WASHC2A: variants seen among roughly 807,000 people sequenced by gnomAD.
The protein encoded by WASHC2A is WASH complex subunit FAM21A.
A neutral mutation model predicts 140.3 loss-of-function variants in WASHC2A; 82 were observed. The observed-to-expected ratio is 0.58, with a 90% CI of 0.49 to 0.70. The LOEUF (loss-of-function observed/expected upper bound fraction) is 0.70, where lower values mean the gene tolerates loss of function less well. WASHC2A is among the 30% of genes least tolerant of loss of function. The pLI is 0.00. For missense variants in WASHC2A, 985 were observed against 1,521.8 expected (o/e 0.65, Z 5.87); for synonymous variants, 340 against 560.8 (o/e 0.61, Z 5.56).
At chr10:50,110,826 G>T (rs1343670442) in intron 20 of WASHC2A, among the ~76,000 whole-genome samples, 3 of 148,910 alleles carry the variant, frequency 2.0e-5, no homozygotes, top group Non-Finnish European at 4.4e-5. Flanking sequence ...TTGGGAGGTG[G>T]AGGTTGCAGT....
intron 17 of WASHC2A, among the ~76,000 whole-genome samples, chr10:50,102,901 T>C (rs1841350638): frequency 6.6e-6 from 1 of 151,638 alleles, no homozygotes; most frequent in Non-Finnish European, 1.5e-5. Context: ...AATTATACTC[T>C]TTTTGCCTAG....
chr10:50,079,274 T>A (rs1195734173), intron 4 of WASHC2A, among the ~76,000 whole-genome samples: 1 of 152,126 alleles, frequency 6.6e-6, no homozygotes, highest in Non-Finnish European at 1.5e-5. Context: ...TGGCCCTTTG[T>A]CAGCAATTAT....
At chr10:50,098,670 A>G (rs1470452679) in intron 16 of WASHC2A, among the ~76,000 whole-genome samples, 1 of 114,864 alleles carries the variant, frequency 8.7e-6, no homozygotes, top group African/African-American at 3.4e-5. Flanking sequence ...GTGTGTCTGC[A>G]TTGCATTTGG....
rs1554874707 is a variant in WASHC2A at position 50,068,144 on chromosome 10, T to G, written c.43T>G (p.Ser15Ala). Reference sequence around the variant, plus strand: ...CCCCGACCAGGAGCTGGCGCCAGCGTCGGAGCCCGTGTGGGAGCGGCCGTG... The same window carrying G: ...CCCCGACCAGGAGCTGGCGCCAGCGGCGGAGCCCGTGTGGGAGCGGCCGTG... ...TTPDQELAPA[S>A]EPVWERPWSV... Residue 15 changes from serine (S) to alanine (A), a missense_variant, in exon 2 of 31, where the codon TCG becomes GCG. Physicochemically the swap from Ser to Ala is moderately conservative, Grantham distance 99 (BLOSUM62 1). Transcript: ENST00000282633. The G allele has an allele frequency of 3.1e-6, 5 of 1,601,238 alleles. No individual in the cohort carries two copies. The highest frequency in any genetic ancestry group is 3.4e-6 in the Non-Finnish European group (4 of 1,174,880).
chr10:50,097,895 C>T (rs1840645659), intron 16 of WASHC2A, 93 bp downstream of exon 16: 16 of 1,588,624 alleles, frequency 1.0e-5, no homozygotes, highest in East Asian at 4.5e-5. Flanking sequence ...TTCCCTTTCA[C>T]GTTCATATTG....
intron 3 of WASHC2A, among the ~76,000 whole-genome samples, chr10:50,076,121 T>G (rs1564746260): frequency 6.6e-6 from 1 of 151,982 alleles, no homozygotes; most frequent in African/African-American, 2.4e-5. Context: ...TGCCATGGTT[T>G]CACCATGTTG....
chr10:50,079,354 C>T (rs1838678893), intron 4 of WASHC2A, among the ~76,000 whole-genome samples: 1 of 152,084 alleles, frequency 6.6e-6, no homozygotes, highest in East Asian at 1.9e-4. Flanking sequence ...CTGCCTGTTG[C>T]CAGCATTTTT....
intron 19 of WASHC2A, among the ~76,000 whole-genome samples, chr10:50,106,747 C>T (rs1454289240): frequency 7.7e-6 from 1 of 130,014 alleles, no homozygotes; most frequent in Non-Finnish European, 1.7e-5. Context: ...TCTCAGCCAT[C>T]GCTAGTTCAT....
In WASHC2A at chr10:50,091,496, T is replaced by C. The variant is rs1451550181; in HGVS notation, c.909T>C (p.Gly303=). 4.4e-4 allele frequency: 688 copies of C among 1,549,312 alleles called. 1 individual carries two copies. Among genetic ancestry groups the C allele is most frequent in the Non-Finnish European group, 4.9e-4 (556 of 1,146,276 alleles). ...LAARIKGDAV[G]RVDEEPTTLP... is the part of the protein sequence containing the mutation. ...CCCGCATCAAGGGGGATGCCGTGGG[T>C]CGAGTGGACGAGGAGCCGACAAGTG... Residue 303 remains glycine (G), a synonymous_variant, in exon 10 of 31, where the codon GGT becomes GGC. Coordinates refer to ENST00000282633, the MANE Select transcript of WASHC2A (RefSeq NM_001005751.3).
At position 50,127,542 on chromosome 10, in the gene WASHC2A, G is replaced by A; in HGVS notation, c.2875-41G>A. ...GTCACAATAAAGATAATAGACTGCT[G>A]TGTTGAAGAACAAATACAGAGTTTC... On this transcript the variant is annotated intron_variant, in intron 27 of 30. Transcript: ENST00000282633. 2.5e-6 allele frequency: 4 copies of A among 1,606,872 alleles called. No homozygotes were observed. In the South Asian group the frequency reaches 3.3e-5, roughly 13 times the overall value.
chr10:50,093,408 A>G (rs1283649236), intron 12 of WASHC2A, 22 bp downstream of exon 12: 6 of 1,326,912 alleles, frequency 4.5e-6, no homozygotes, highest in African/African-American at 4.4e-5. Context: ...GCACCCAGCA[A>G]CACTCCCTGC....
At chr10:50,077,266 C>T (rs1423265253) in intron 3 of WASHC2A, among the ~76,000 whole-genome samples, 1 of 151,962 alleles carries the variant, frequency 6.6e-6, no homozygotes, top group Non-Finnish European at 1.5e-5. Flanking sequence ...TGCACTCCAG[C>T]CTGGGTGACA....
intron 21 of WASHC2A, among the ~76,000 whole-genome samples, chr10:50,116,262 C>T (rs1554891916): frequency 7.2e-5 from 7 of 96,656 alleles, no homozygotes. Context: ...ATATGATTTG[C>T]CATACTTAAG....
Position 50,132,751 on chromosome 10 carries a change from A to T in WASHC2A, c.3887-55A>T, listed in dbSNP as rs557702593. 1.5e-4 allele frequency: 241 copies of T among 1,612,008 alleles called. 2 individuals are homozygous for T. In the South Asian group the frequency reaches 2.5e-3, roughly 17 times the overall value. On this transcript the variant is annotated intron_variant, in intron 30 of 30. Transcript: ENST00000282633. ...TGGTGGTTTGCTTGCATGTGTCTTA[A>T]AAGTACCTTTCTCCACCCCTCTTCA...
intron 19 of WASHC2A, among the ~76,000 whole-genome samples, chr10:50,109,823 G>A (rs1366425333): frequency 1.3e-5 from 2 of 152,122 alleles, no homozygotes; most frequent in East Asian, 3.9e-4. Context: ...AGGCTGGAGT[G>A]CAGTGGCACG....
At chr10:50,107,657 C>CA (rs1554889015) in intron 19 of WASHC2A, among the ~76,000 whole-genome samples, 1 of 151,934 alleles carries the variant, frequency 6.6e-6, no homozygotes, top group African/African-American at 2.4e-5. Context: ...CGTGGTGGCT[C>CA]ACGTCTGTAA....
chr10:50,094,230 A>T (rs1489393760), intron 13 of WASHC2A, among the ~76,000 whole-genome samples: 2 of 147,772 alleles, frequency 1.4e-5, no homozygotes, highest in Non-Finnish European at 3.0e-5. Flanking sequence ...TTAAAGAAAC[A>T]TTTTTAACAT....
At position 50,078,636 on chromosome 10, in the gene WASHC2A, G is replaced by C. The variant is rs1378329444; in HGVS notation, c.292-39G>C. ...TATATTGTGATTTATTTCCAATGAC[G>C]TGTTGACCTTTTAACATTGAGTTTG... is the stretch of plus-strand genomic sequence containing the variant. On this transcript the variant is annotated intron_variant, in intron 3 of 30. Transcript: ENST00000282633. 5.0e-6 allele frequency: 8 copies of C among 1,611,588 alleles called. No individual in the cohort carries two copies. The African/African-American group carries it at 1.1e-4, about 22-fold the overall frequency.
At chr10:50,094,436 A>G (rs1441467695) in intron 13 of WASHC2A, among the ~76,000 whole-genome samples, 3 of 150,274 alleles carry the variant, frequency 2.0e-5, no homozygotes, top group African/African-American at 7.4e-5. Context: ...GCAAAATGCT[A>G]GGAATACAGG....
Sources: gnomAD v4.1 joint callset for allele counts (sites outside exome capture counted in the v4.1 genomes callset) on GRCh38, gnomAD v4.1.1 for gene constraint, MANE v1.5 for transcripts, NCBI Gene and HGNC (gene_info 2026-07-23, HGNC 2026-07-21) for gene names.